The following ARNT2 variants were observed in gnomAD, a reference collection of about 807,000 sequenced individuals.
ARNT2 encodes aryl hydrocarbon receptor nuclear translocator 2.
A neutral mutation model predicts 91.7 loss-of-function variants in ARNT2; 36 were observed. The ratio of observed to expected loss-of-function variants is 0.39; its 90% confidence interval spans 0.30 to 0.52. The LOEUF is 0.52. ARNT2 is among the 20% of genes least tolerant of loss of function. The pLI is 0.72. For missense variants in ARNT2, 775 were observed against 939.3 expected (o/e 0.83, Z 2.29); for synonymous variants, 365 against 347.1 (o/e 1.05, Z -0.57).
chr15:80,432,828 G>A (rs922236174), intron 1 of ARNT2, among the ~76,000 whole-genome samples: 1 of 152,162 alleles, frequency 6.6e-6, no homozygotes, highest in Non-Finnish European at 1.5e-5. Flanking sequence ...AGAAGCTCAT[G>A]CTCCCCTATC....
intron 3 of ARNT2, among the ~76,000 whole-genome samples, chr15:80,465,495 C>G (rs1896640800): frequency 6.6e-6 from 1 of 152,210 alleles, no homozygotes; most frequent in Non-Finnish European, 1.5e-5. Context: ...TGCAGCAGGG[C>G]TGCTCTACAG....
At chr15:80,422,321 TAACA>T (rs1228387558) in intron 1 of ARNT2, among the ~76,000 whole-genome samples, 1 of 152,172 alleles carries the variant, frequency 6.6e-6, no homozygotes, top group African/African-American at 2.4e-5. Flanking sequence ...TTAGAAGCAG[TAACA>T]AACAGCAGAC....
At chr15:80,565,226 A>G (rs1286994679) in intron 12 of ARNT2, among the ~76,000 whole-genome samples, 1 of 152,104 alleles carries the variant, frequency 6.6e-6, no homozygotes, top group Non-Finnish European at 1.5e-5. Context: ...TGCCCAGCCC[A>G]CGTTTTCTTT....
At chr15:80,447,575 G>C (rs1472289393) in intron 1 of ARNT2, among the ~76,000 whole-genome samples, 1 of 152,162 alleles carries the variant, frequency 6.6e-6, no homozygotes, top group Non-Finnish European at 1.5e-5. Context: ...ACCTTCCTAA[G>C]CCACCTTCTT....
At chr15:80,503,273 G>A (rs1897225095) in intron 5 of ARNT2, among the ~76,000 whole-genome samples, 1 of 152,188 alleles carries the variant, frequency 6.6e-6, no homozygotes, top group Non-Finnish European at 1.5e-5. Context: ...CTGGGGCGAT[G>A]GCCACTTGAT....
At chr15:80,455,134 A>G (rs3858944) in intron 2 of ARNT2, among the ~76,000 whole-genome samples, 135,052 of 152,224 alleles carry the variant, frequency 0.89, 59,998 homozygotes, top group East Asian at 1. Context: ...TAGAGAATCC[A>G]AGATGGTGAT....
At chr15:80,470,004 A>G (rs1323853914) in intron 3 of ARNT2, among the ~76,000 whole-genome samples, 3 of 152,180 alleles carry the variant, frequency 2.0e-5, no homozygotes, top group African/African-American at 4.8e-5. Context: ...GATTGAGACT[A>G]TAGACATCTG....
intron 3 of ARNT2, 70 bp from the exon 4 acceptor site, chr15:80,470,148 A>G: frequency 2.1e-6 from 3 of 1,448,402 alleles, no homozygotes; most frequent in South Asian, 2.5e-5. Context: ...GTTTTATCCC[A>G]TTAGATAGTA....
intron 1 of ARNT2, among the ~76,000 whole-genome samples, chr15:80,435,424 C>A (rs914880195): frequency 6.6e-6 from 1 of 152,164 alleles, no homozygotes; most frequent in African/African-American, 2.4e-5. Flanking sequence ...CAGCAAGGTC[C>A]GTTGCTGCTG....
At chr15:80,511,373 C>T (rs1214898107) in intron 6 of ARNT2, among the ~76,000 whole-genome samples, 1 of 152,026 alleles carries the variant, frequency 6.6e-6, no homozygotes, top group African/African-American at 2.4e-5. Context: ...TGGGGACTTT[C>T]AGAGGGTGGA....
intron 8 of ARNT2, among the ~76,000 whole-genome samples, chr15:80,515,398 A>C (rs1487337964): frequency 6.6e-6 from 1 of 152,262 alleles, no homozygotes; most frequent in African/African-American, 2.4e-5. Flanking sequence ...AATATTATTC[A>C]GGAATAAAAA....
At chr15:80,560,785 G>T (rs1167634891) in intron 11 of ARNT2, among the ~76,000 whole-genome samples, 1 of 152,226 alleles carries the variant, frequency 6.6e-6, no homozygotes, top group African/African-American at 2.4e-5. Context: ...AAACAGCCAG[G>T]TTGCTGTTGG....
At chr15:80,458,109 G>T in intron 3 of ARNT2, 133 bp downstream of exon 3, 1 of 903,434 alleles carries the variant, frequency 1.1e-6, no homozygotes, top group Non-Finnish European at 1.7e-6. Flanking sequence ...CTCACTCTGT[G>T]GCAGTATTTG....
intron 1 of ARNT2, among the ~76,000 whole-genome samples, chr15:80,422,594 A>G (rs1235042347): frequency 6.6e-6 from 1 of 152,222 alleles, no homozygotes; most frequent in Non-Finnish European, 1.5e-5. Context: ...CCGCAAATGG[A>G]AGTTCTCAGA....
intron 8 of ARNT2, among the ~76,000 whole-genome samples, chr15:80,534,745 G>C (rs1262505037): frequency 6.6e-6 from 1 of 152,210 alleles, no homozygotes; most frequent in Non-Finnish European, 1.5e-5. Flanking sequence ...TCTTGCAAAA[G>C]ATACTGCAGT....
At chr15:80,416,386 A>G (rs924863029) in intron 1 of ARNT2, among the ~76,000 whole-genome samples, 4 of 152,104 alleles carry the variant, frequency 2.6e-5, no homozygotes, top group Admixed American at 1.3e-4. Context: ...GCTTCAAGGT[A>G]TATTATTTCC....
chr15:80,551,875 A>G (rs1898086282), intron 9 of ARNT2, among the ~76,000 whole-genome samples: 1 of 152,144 alleles, frequency 6.6e-6, no homozygotes, highest in African/African-American at 2.4e-5. Flanking sequence ...CTCTACCCTC[A>G]GTTACTCTTC....
intron 1 of ARNT2, among the ~76,000 whole-genome samples, chr15:80,440,572 G>T (rs115630484): frequency 6.6e-6 from 1 of 152,280 alleles, no homozygotes; most frequent in East Asian, 1.9e-4. Flanking sequence ...CCAGAGGAGA[G>T]CCAGAGCTCT....
chr15:80,405,392 C>G (rs1393316457), intron 1 of ARNT2, among the ~76,000 whole-genome samples: 1 of 151,986 alleles, frequency 6.6e-6, no homozygotes, highest in Non-Finnish European at 1.5e-5. Flanking sequence ...GCTGTGGGCA[C>G]GGCAGGTTGC....
Sources: gnomAD v4.1 joint callset for allele counts (sites outside exome capture counted in the v4.1 genomes callset) on GRCh38, gnomAD v4.1.1 for gene constraint, MANE v1.5 for transcripts, NCBI Gene and HGNC (gene_info 2026-07-23, HGNC 2026-07-21) for gene names.